ZNF705G: variants seen among roughly 807,000 people sequenced by gnomAD.
ZNF705G encodes the protein zinc finger protein 705G.
In ZNF705G, 23 loss-of-function variants were observed where a neutral mutation model predicts 19.6. That is an observed-to-expected ratio of 1.17 (90% CI 0.84 to 1.66). The LOEUF is 1.66. ZNF705G is among the 40% of genes most tolerant of loss of function. ZNF705G has a pLI of 0.00. For missense variants in ZNF705G, 457 were observed against 354.4 expected, an observed-to-expected ratio of 1.29 and a Z score of -2.32; for synonymous variants, 146 against 117.7, an observed-to-expected ratio of 1.24 and a Z score of -1.56.
intron 2 of ZNF705G, among the ~76,000 whole-genome samples, chr8:7,379,674 G>C (rs1807402163): frequency 6.8e-6 from 1 of 147,248 alleles, no homozygotes; most frequent in Admixed American, 6.6e-5. Flanking sequence ...AGGTAAAAAA[G>C]AGAGCCCCAG....
chr8:7,382,910 C>T (rs1316239531), intron 1 of ZNF705G, among the ~76,000 whole-genome samples: 7 of 146,990 alleles, frequency 4.8e-5, no homozygotes, highest in Non-Finnish European at 1.5e-5. Flanking sequence ...TACATTGTAC[C>T]TAATAGGTAG....
chr8:7,366,551 C>T (rs3958830), intron 2 of ZNF705G, among the ~76,000 whole-genome samples: 54,593 of 146,422 alleles, frequency 0.37, 5,411 homozygotes, highest in African/African-American at 0.5. Context: ...AGAAACTTGG[C>T]GCAATTTTTA....
At chr8:7,367,538 C>T (rs2128840495) in intron 2 of ZNF705G, among the ~76,000 whole-genome samples, 1 of 149,668 alleles carries the variant, frequency 6.7e-6, no homozygotes, top group South Asian at 2.1e-4. Context: ...AACGTGCATG[C>T]TCAATTTCAA....
chr8:7,366,775 T>A (rs1156640985), intron 2 of ZNF705G, among the ~76,000 whole-genome samples: 2 of 149,566 alleles, frequency 1.3e-5, no homozygotes, highest in East Asian at 1.9e-4. Flanking sequence ...GAATATAATT[T>A]AACTATAAAC....
At chr8:7,380,956 C>T (rs1807466061) in intron 2 of ZNF705G, among the ~76,000 whole-genome samples, 1 of 117,224 alleles carries the variant, frequency 8.5e-6, no homozygotes, top group Non-Finnish European at 1.6e-5. Context: ...GGCAGAGTTG[C>T]AGTGAGTTGA....
intron 3 of ZNF705G, 30 bp from the exon 4 acceptor site, chr8:7,361,266 C>T (rs1806581157): frequency 6.3e-7 from 1 of 1,592,356 alleles, no homozygotes; most frequent in African/African-American, 1.4e-5. Context: ...TTAGTTTAGA[C>T]AGAGAAATTC....
At chr8:7,358,639 G>C in intron 6 of ZNF705G, 79 bp from the exon 7 acceptor site, 3 of 1,582,718 alleles carry the variant, frequency 1.9e-6, no homozygotes, top group Non-Finnish European at 2.6e-6. Flanking sequence ...TTGAATCCTA[G>C]ACCAACCATT....
rs898634167 is a variant in ZNF705G, at chr8:7,356,283, G to A, written c.*1693C>T. ...TATCTTCTGGACTGCAGTAAAAGGA[G>A]CACAGCTGTGTCTGTCTCTGTGTAA... On this transcript the variant is annotated 3_prime_UTR_variant, in exon 7 of 7. Coordinates refer to ENST00000400156, the MANE Select transcript of ZNF705G (RefSeq NM_001164457.3). 1 of 149,458 alleles carries A rather than the reference G, an allele frequency of 6.7e-6. No individual in the cohort carries two copies. Among genetic ancestry groups the A allele is most frequent in the Non-Finnish European group, 1.5e-5 (1 of 68,022 alleles). The allele number at this position is 149,458 out of a possible 1,614,324, so 9.3% of individuals were successfully genotyped here. A position where few individuals can be genotyped will look rare whatever the true frequency, so the allele number is the denominator to read the frequency against.
At position 7,365,375 on chromosome 8, in the gene ZNF705G, A is replaced by ATTTT. The variant is rs71253679; in HGVS notation, c.-71-2362_-71-2359dup. On this transcript the variant is annotated intron_variant, in intron 2 of 6. Transcript: ENST00000400156. The stretch of plus-strand genomic sequence containing the variant: ...TATCTCCCTCCAGATGTCTCTCTCT[A>ATTTT]TTTTTTTTTTTTTTTTTTTTTTGGC... Among the ~76,000 whole-genome samples, 360 of 111,998 alleles carry ATTTT rather than the reference A, an allele frequency of 3.2e-3. 15 individuals carry two copies. The highest frequency in any genetic ancestry group is 0.012 in the African/African-American group (303 of 24,350). The allele number at this position is 111,998 out of a possible 152,430, so 73.5% of individuals were successfully genotyped here. A position where few individuals can be genotyped will look rare whatever the true frequency, so the allele number is the denominator to read the frequency against.
At chr8:7,376,222 A>G (rs1246244493) in intron 2 of ZNF705G, among the ~76,000 whole-genome samples, 2 of 85,474 alleles carry the variant, frequency 2.3e-5, no homozygotes, top group Non-Finnish European at 4.4e-5. Flanking sequence ...GATGTTGCAT[A>G]TATTTGGTCT....
intron 2 of ZNF705G, among the ~76,000 whole-genome samples, chr8:7,367,156 A>T (rs1185601791): frequency 2.0e-5 from 3 of 149,518 alleles, no homozygotes; most frequent in Non-Finnish European, 4.4e-5. Flanking sequence ...ATAAAATGTA[A>T]TAATGAGATG....
chr8:7,380,933 C>T (rs1297164389), intron 2 of ZNF705G, among the ~76,000 whole-genome samples: 1 of 130,226 alleles, frequency 7.7e-6, no homozygotes, highest in Non-Finnish European at 1.5e-5. Flanking sequence ...AGGAGAATTG[C>T]TTGAGCCCAG....
rs1448601720 is a variant in ZNF705G at position 7,370,143 on chromosome 8, T to C, written c.-71-7126A>G. On this transcript the variant is annotated intron_variant, in intron 2 of 6. Coordinates refer to ENST00000400156, the MANE Select transcript of ZNF705G (RefSeq NM_001164457.3). ...AAAATTAGCTGGGCATGGTGCCGGG[T>C]GCCTGTAGTCCCAGCTACTTGGGAG... Among the ~76,000 whole-genome samples the C allele has an allele frequency of 2.7e-5, 4 of 146,210 alleles. No homozygotes were observed. The East Asian group carries it at 5.9e-4, about 21-fold the overall frequency.
chr8:7,358,586 T>A lies in ZNF705G; in HGVS notation c.319-26A>T. On this transcript the variant is annotated intron_variant, in intron 6 of 6. Coordinates refer to ENST00000400156, the MANE Select transcript of ZNF705G (RefSeq NM_001164457.3). Reference sequence around the variant, plus strand: ...CTTTGGGGCAAATATTAAAAGCTCTTAATGGTTTACCCACATATATCTATA... The same window carrying A: ...CTTTGGGGCAAATATTAAAAGCTCTAAATGGTTTACCCACATATATCTATA... 5 of 1,606,726 alleles carry A rather than the reference T, an allele frequency of 3.1e-6. No individual in the cohort carries two copies. The South Asian group carries it at 5.5e-5, about 18-fold the overall frequency.
intron 2 of ZNF705G, among the ~76,000 whole-genome samples, chr8:7,363,742 AC>A (rs1806714153): frequency 6.7e-6 from 1 of 149,130 alleles, no homozygotes; most frequent in Non-Finnish European, 1.5e-5. Context: ...AATCTCTTGA[AC>A]CCAGGAGGCA....
intron 2 of ZNF705G, among the ~76,000 whole-genome samples, chr8:7,365,069 G>A (rs1368213289): frequency 1.3e-5 from 2 of 149,126 alleles, no homozygotes; most frequent in African/African-American, 5.2e-5. Context: ...ACTGTGCCAG[G>A]GACAAAGAAA....
chr8:7,359,779 C>G lies in ZNF705G; in HGVS notation c.236-78G>C. The G allele has an allele frequency of 1.9e-6, 3 of 1,597,028 alleles. No homozygotes were observed. The South Asian group carries it at 3.3e-5, about 18-fold the overall frequency. On this transcript the variant is annotated intron_variant, in intron 5 of 6. Coordinates refer to ENST00000400156, the MANE Select transcript of ZNF705G (RefSeq NM_001164457.3). ...TTTGAAAAGCCCCAAAGCCCACGTA[C>G]TTTTTTCAAAAATTGACACGTAGAT...
At chr8:7,359,239 T>C (rs1806449910) in intron 6 of ZNF705G, among the ~76,000 whole-genome samples, 1 of 149,690 alleles carries the variant, frequency 6.7e-6, no homozygotes, top group Admixed American at 6.6e-5. Flanking sequence ...GGCAAATAAA[T>C]CTCCTAAAAT....
chr8:7,369,875 G>A (rs1237976756), intron 2 of ZNF705G, among the ~76,000 whole-genome samples: 3 of 148,872 alleles, frequency 2.0e-5, no homozygotes, highest in South Asian at 4.2e-4. Flanking sequence ...AACAGATACT[G>A]GGAACTACTA....
Sources: gnomAD v4.1 joint callset for allele counts (sites outside exome capture counted in the v4.1 genomes callset) on GRCh38, gnomAD v4.1.1 for gene constraint, MANE v1.5 for transcripts, NCBI Gene and HGNC (gene_info 2026-07-23, HGNC 2026-07-21) for gene names.